The following DLGAP1 variants were observed in gnomAD, a reference collection of about 807,000 sequenced individuals.
DLGAP1 encodes disks large-associated protein 1.
In DLGAP1, 11 loss-of-function variants were observed where a neutral mutation model predicts 90.8. The ratio of observed to expected loss-of-function variants is 0.12; its 90% CI spans 0.08 to 0.20. The LOEUF (loss-of-function observed/expected upper bound fraction) is 0.20, where lower values mean the gene tolerates loss of function less well. Among genes scored for constraint, DLGAP1 ranks in the 10% least tolerant of loss-of-function variants. The pLI, the probability that DLGAP1 is intolerant of heterozygous loss-of-function variation, is 1.00. For synonymous variants in DLGAP1, 558 were observed against 540.7 expected, an observed-to-expected ratio of 1.03 and a Z score of -0.44; for missense variants, 1,050 against 1,333.8, an observed-to-expected ratio of 0.79 and a Z score of 3.31.
At chr18:4,031,711 A>C (rs1234303694) in intron 2 of DLGAP1, among the ~76,000 whole-genome samples, 2 of 152,338 alleles carry the variant, frequency 1.3e-5, no homozygotes, top group East Asian at 3.9e-4. Context: ...ATGATAATGA[A>C]AATATAATGA....
intron 7 of DLGAP1, among the ~76,000 whole-genome samples, chr18:3,588,674 G>A (rs1302177740): frequency 4.0e-5 from 6 of 151,270 alleles, no homozygotes; most frequent in Non-Finnish European, 7.4e-5. Flanking sequence ...CAGCTACTCA[G>A]GAGGCTGAGG....
intron 2 of DLGAP1, among the ~76,000 whole-genome samples, chr18:4,128,839 T>C (rs1161853669): frequency 6.6e-6 from 1 of 152,144 alleles, no homozygotes; most frequent in Non-Finnish European, 1.5e-5. Context: ...TTTGCATCAC[T>C]GAAGATTACG....
At chr18:3,856,073 G>A (rs778080393) in intron 4 of DLGAP1, among the ~76,000 whole-genome samples, 1 of 152,160 alleles carries the variant, frequency 6.6e-6, no homozygotes, top group African/African-American at 2.4e-5. Context: ...ATATGTGCAA[G>A]GAGTCAATCT....
chr18:4,399,343 G>A (rs2082503842), intron 1 of DLGAP1, among the ~76,000 whole-genome samples: 1 of 152,120 alleles, frequency 6.6e-6, no homozygotes, highest in Admixed American at 6.5e-5. Context: ...ACAAATGATA[G>A]CTACTAGTGT....
chr18:4,414,447 C>T (rs944494628), intron 1 of DLGAP1, among the ~76,000 whole-genome samples: 8 of 152,104 alleles, frequency 5.3e-5, no homozygotes, highest in African/African-American at 1.2e-4. Flanking sequence ...ATAAGGGCTG[C>T]GCATGCTGGT....
At chr18:3,939,745 A>G (rs2072729598) in intron 3 of DLGAP1, among the ~76,000 whole-genome samples, 3 of 152,160 alleles carry the variant, frequency 2.0e-5, no homozygotes, top group Admixed American at 2.0e-4. Context: ...TAAAAGGAAT[A>G]ATAATAAAAA....
chr18:4,221,471 T>C (rs1229115373), intron 1 of DLGAP1, among the ~76,000 whole-genome samples: 1 of 152,122 alleles, frequency 6.6e-6, no homozygotes, highest in African/African-American at 2.4e-5. Flanking sequence ...CAATAAAATA[T>C]ATATGAAAGT....
intron 1 of DLGAP1, among the ~76,000 whole-genome samples, chr18:4,229,120 C>G (rs2145037621): frequency 6.6e-6 from 1 of 151,968 alleles, no homozygotes; most frequent in South Asian, 2.1e-4. Context: ...TAGAAATTAA[C>G]TTAACCAAAG....
chr18:4,423,825 A>C (rs1220659784), intron 1 of DLGAP1, among the ~76,000 whole-genome samples: 3 of 141,818 alleles, frequency 2.1e-5, no homozygotes, highest in African/African-American at 7.8e-5. Context: ...ATGAGACACT[A>C]GTTAAGTGGA....
At chr18:3,633,469 A>C (rs2058594206) in intron 7 of DLGAP1, among the ~76,000 whole-genome samples, 1 of 151,642 alleles carries the variant, frequency 6.6e-6, no homozygotes, top group South Asian at 2.1e-4. Context: ...AGTGCTTTGC[A>C]TGCTTCCCTC....
chr18:3,635,046 A>G (rs543844477), intron 7 of DLGAP1, among the ~76,000 whole-genome samples: 4 of 152,342 alleles, frequency 2.6e-5, no homozygotes, highest in African/African-American at 9.6e-5. Flanking sequence ...CTACAATAGA[A>G]GATACATGAA....
chr18:3,776,495 C>T (rs956984410), intron 5 of DLGAP1, among the ~76,000 whole-genome samples: 5 of 152,132 alleles, frequency 3.3e-5, no homozygotes, highest in East Asian at 1.9e-4. Flanking sequence ...AACAAATGCA[C>T]GCTTAACCTT....
intron 5 of DLGAP1, among the ~76,000 whole-genome samples, chr18:3,748,361 G>C (rs2063359309): frequency 6.6e-6 from 1 of 152,216 alleles, no homozygotes; most frequent in Admixed American, 6.5e-5. Context: ...TGTCTCAAAA[G>C]ACAAAATGAC....
At chr18:4,214,829 A>G (rs1189113374) in intron 1 of DLGAP1, among the ~76,000 whole-genome samples, 5 of 152,170 alleles carry the variant, frequency 3.3e-5, no homozygotes. Flanking sequence ...AAAATTAATT[A>G]TCTGGTTCAT....
At chr18:4,177,074 C>A (rs994545457) in intron 1 of DLGAP1, among the ~76,000 whole-genome samples, 2 of 152,086 alleles carry the variant, frequency 1.3e-5, no homozygotes, top group African/African-American at 4.8e-5. Context: ...TCACTGAAGG[C>A]ATAGAGGTGG....
chr18:4,276,720 TA>T (rs1265432347), intron 1 of DLGAP1, among the ~76,000 whole-genome samples: 1 of 152,030 alleles, frequency 6.6e-6, no homozygotes, highest in Non-Finnish European at 1.5e-5. Flanking sequence ...ATTCTACCAA[TA>T]GGTAATTTTC....
intron 1 of DLGAP1, among the ~76,000 whole-genome samples, chr18:4,411,983 C>G (rs772154479): frequency 6.6e-6 from 1 of 152,096 alleles, no homozygotes; most frequent in African/African-American, 2.4e-5. Flanking sequence ...TTTCTGGATG[C>G]GACATGCTTA....
intron 1 of DLGAP1, among the ~76,000 whole-genome samples, chr18:4,345,457 C>T (rs974464634): frequency 3.9e-5 from 6 of 152,156 alleles, no homozygotes; most frequent in African/African-American, 1.4e-4. Flanking sequence ...GAAGGATTTG[C>T]ATATAGATAC....
intron 7 of DLGAP1, among the ~76,000 whole-genome samples, chr18:3,720,661 G>A (rs893751855): frequency 2.6e-5 from 4 of 151,982 alleles, no homozygotes; most frequent in Admixed American, 6.6e-5. Flanking sequence ...ATTTCCAACC[G>A]CTATTAGTTT....
Sources: allele counts gnomAD v4.1 joint callset (sites outside exome capture counted in the v4.1 genomes callset), GRCh38; gene constraint gnomAD v4.1.1; transcripts MANE v1.5; gene names NCBI Gene and HGNC (gene_info 2026-07-23, HGNC 2026-07-21).